The following ERO1B variants were observed in gnomAD, a reference collection of about 807,000 sequenced individuals.
ERO1B encodes endoplasmic reticulum oxidoreductase 1 beta.
In ERO1B, 49 loss-of-function variants were observed where a neutral mutation model predicts 75.3. That is an observed-to-expected ratio of 0.65 (90% CI 0.52 to 0.83). The LOEUF is 0.83. ERO1B is among the 40% of genes least tolerant of loss of function. ERO1B has a pLI of 0.00. For missense variants in ERO1B, 512 were observed against 560.1 expected (o/e 0.91, Z 0.87); for synonymous variants, 191 against 192.9 (o/e 0.99, Z 0.08).
At chr1:236,259,516 A>C (rs1665241607) in intron 2 of ERO1B, among the ~76,000 whole-genome samples, 1 of 152,178 alleles carries the variant, frequency 6.6e-6, no homozygotes, top group South Asian at 2.1e-4. Flanking sequence ...TTCACCTCTA[A>C]GGACACACAC....
chr1:236,259,066 C>T (rs1280519234), intron 2 of ERO1B, among the ~76,000 whole-genome samples: 3 of 151,986 alleles, frequency 2.0e-5, no homozygotes, highest in Non-Finnish European at 4.4e-5. Context: ...ACTATACAAA[C>T]TATACAAGAT....
chr1:236,218,860 AAATTT>A (rs1312740132), intron 15 of ERO1B, among the ~76,000 whole-genome samples: 2 of 152,176 alleles, frequency 1.3e-5, no homozygotes, highest in African/African-American at 4.8e-5. Flanking sequence ...TTGGTCTAAT[AAATTT>A]ATTTTGCACA....
intron 12 of ERO1B, among the ~76,000 whole-genome samples, chr1:236,225,939 ATAAG>A (rs376325644): frequency 1.6e-4 from 25 of 152,344 alleles, no homozygotes; most frequent in East Asian, 1.2e-3. Context: ...TGTCTCAAAA[ATAAG>A]TAAGTAAATA....
chr1:236,242,976 C>T (rs528550210), intron 6 of ERO1B, among the ~76,000 whole-genome samples: 1 of 152,286 alleles, frequency 6.6e-6, no homozygotes, highest in Non-Finnish European at 1.5e-5. Flanking sequence ...TTTGTTAAGA[C>T]CTCTAGCAAA....
At chr1:236,268,614 C>G (rs568103285) in intron 2 of ERO1B, among the ~76,000 whole-genome samples, 4 of 152,182 alleles carry the variant, frequency 2.6e-5, no homozygotes, top group Admixed American at 2.6e-4. Flanking sequence ...AGGCCGGGCG[C>G]GGTGGCTCAC....
At position 236,233,093 on chromosome 1, in the gene ERO1B, T is replaced by A. The variant is rs555919739; in HGVS notation, c.674-254A>T. 9.9e-5 allele frequency among the ~76,000 whole-genome samples: 15 copies of A among 151,932 alleles called. No individual in the cohort carries two copies. The East Asian group carries it at 2.9e-3, about 30-fold the overall frequency. Reference sequence around the variant, plus strand: ...GGGAGGCCAAGGTGGGTGGATCACCTGAGGTCAGGAGTTTGAGACCAGCCT... The same window carrying A: ...GGGAGGCCAAGGTGGGTGGATCACCAGAGGTCAGGAGTTTGAGACCAGCCT... On this transcript the variant is annotated intron_variant, in intron 8 of 15. Transcript: ENST00000354619.
At chr1:236,232,662 G>T (rs10802439) in intron 9 of ERO1B, among the ~76,000 whole-genome samples, 166 bp downstream of exon 9, 10,200 of 141,408 alleles carry the variant, frequency 0.072, 733 homozygotes, top group East Asian at 0.4. Flanking sequence ...AGGATAACTT[G>T]ATATATATAA....
At chr1:236,280,525 A>T (rs1423424399) in intron 1 of ERO1B, among the ~76,000 whole-genome samples, 1 of 152,178 alleles carries the variant, frequency 6.6e-6, no homozygotes, top group Non-Finnish European at 1.5e-5. Flanking sequence ...ATACATGTGG[A>T]GGTAGGGCCA....
Position 236,263,915 on chromosome 1 carries a change from T to A in ERO1B, c.222+5960A>T, listed in dbSNP as rs773961280. On this transcript the variant is annotated intron_variant, in intron 2 of 15. Coordinates refer to ENST00000354619, the MANE Select transcript of ERO1B (RefSeq NM_019891.4). ...CTGGGACTACAGGCATGCACCACCATGCCTGGCTTCATTGCTAATGTAAAT... is the reference window on the plus strand; with the variant it reads ...CTGGGACTACAGGCATGCACCACCAAGCCTGGCTTCATTGCTAATGTAAAT... Among the ~76,000 whole-genome samples, 20 of 149,782 alleles carry A rather than the reference T, an allele frequency of 1.3e-4. No homozygotes were observed. In the Middle Eastern group the frequency reaches 0.01, roughly 79 times the overall value.
At chr1:236,281,644 C>T in intron 1 of ERO1B, 38 bp downstream of exon 1, 1 of 1,321,364 alleles carries the variant, frequency 7.6e-7, no homozygotes, top group East Asian at 3.1e-5. Context: ...CGCGGGTGTT[C>T]GGCCGGGGGT....
intron 13 of ERO1B, among the ~76,000 whole-genome samples, chr1:236,223,891 T>C (rs527834516): frequency 2.6e-4 from 39 of 152,272 alleles, no homozygotes; most frequent in African/African-American, 8.2e-4. Context: ...AATATAGTTG[T>C]GACTAAATTA....
At position 236,269,916 on chromosome 1, in the gene ERO1B, T is replaced by C. The variant is rs753516329; in HGVS notation, c.181A>G (p.Ile61Val). 36 of 1,602,976 alleles carry C rather than the reference T, an allele frequency of 2.2e-5. No homozygotes were observed. The highest frequency in any genetic ancestry group is 3.1e-5 in the Non-Finnish European group (36 of 1,170,006). ...NFNTYKIFPKIKKLQERDYFR... is the reference protein window; with the variant it reads ...NFNTYKIFPKVKKLQERDYFR... ...TAGTCTCTCTCTTGCAATTTTTTTA[T>C]TTTGGGGAAGATTTTGTAGGTATTG... Residue 61 changes from isoleucine to valine, a missense_variant, in exon 2 of 16, where the codon ATA (isoleucine) becomes GTA (valine). Coordinates refer to ENST00000354619, the MANE Select transcript of ERO1B (RefSeq NM_019891.4).
chr1:236,258,162 A>AAAAAC (rs1553373457), intron 2 of ERO1B, among the ~76,000 whole-genome samples: 27,945 of 136,084 alleles, frequency 0.21, 3,690 homozygotes, highest in East Asian at 0.34. Flanking sequence ...AAAAAAAAAA[A>AAAAAC]ACCCAGCCAG....
At chr1:236,240,296 A>C (rs951559383) in intron 6 of ERO1B, among the ~76,000 whole-genome samples, 1 of 152,114 alleles carries the variant, frequency 6.6e-6, no homozygotes, top group South Asian at 2.1e-4. Flanking sequence ...TAGGATGTTA[A>C]ACTTTCCTCC....
chr1:236,235,535 C>T (rs1037770533), intron 8 of ERO1B, among the ~76,000 whole-genome samples: 3 of 152,152 alleles, frequency 2.0e-5, no homozygotes, highest in African/African-American at 4.8e-5. Context: ...TGATTACTCA[C>T]ATATTTTAAT....
intron 9 of ERO1B, among the ~76,000 whole-genome samples, 155 bp from the exon 10 acceptor site, chr1:236,230,405 A>G (rs1664376619): frequency 6.6e-6 from 1 of 152,034 alleles, no homozygotes; most frequent in Admixed American, 6.6e-5. Flanking sequence ...TGAGGCCAGG[A>G]GTTTAAGACC....
rs899139796 is a variant in ERO1B, at chr1:236,235,316, C to G, written c.673+473G>C. Among the ~76,000 whole-genome samples the G allele has an allele frequency of 1.8e-4, 28 of 152,174 alleles. 1 individual carries two copies. The highest frequency in any genetic ancestry group is 1.8e-3 in the Admixed American group (27 of 15,276). ...TCAGAAGCTGTATGTTACCAAGGCT[C>G]CTGGGTGATGTGTATGCACACTGAA... On this transcript the variant is annotated intron_variant, in intron 8 of 15. Transcript: ENST00000354619.
chr1:236,241,534 C>T (rs1434585866), intron 6 of ERO1B, among the ~76,000 whole-genome samples: 1 of 146,172 alleles, frequency 6.8e-6, no homozygotes, highest in East Asian at 2.4e-4. Context: ...CAGAGTGAGA[C>T]TCCATCTCAA....
At chr1:236,228,336 A>G (rs1398610943) in intron 10 of ERO1B, among the ~76,000 whole-genome samples, 1 of 152,222 alleles carries the variant, frequency 6.6e-6, no homozygotes, top group Non-Finnish European at 1.5e-5. Flanking sequence ...AATTAATAAT[A>G]AAATATGCAC....
Sources: gnomAD v4.1 joint callset for allele counts (sites outside exome capture counted in the v4.1 genomes callset) on GRCh38, gnomAD v4.1.1 for gene constraint, MANE v1.5 for transcripts, NCBI Gene and HGNC (gene_info 2026-07-23, HGNC 2026-07-21) for gene names.